Variants in HECW2 observed in about 807,000 individuals in gnomAD.
HECW2 encodes the protein E3 ubiquitin-protein ligase HECW2.
Under a neutral mutation model 175.2 loss-of-function variants are expected in HECW2, and 61 were observed. The observed-to-expected ratio is 0.35, with a 90% CI of 0.28 to 0.43. The LOEUF (loss-of-function observed/expected upper bound fraction) is 0.43. Among genes scored for constraint, HECW2 ranks in the 20% least tolerant of loss-of-function variants. The probability of loss-of-function intolerance (pLI) is 1.00; values close to 1 mark genes in which losing one functional copy is unlikely to be tolerated. For missense variants in HECW2, 1,524 were observed against 2,000.5 expected (o/e 0.76, Z 4.54); for synonymous variants, 671 against 731.0 (o/e 0.92, Z 1.32).
chr2:196,527,032 T>C (rs1192230705), intron 1 of HECW2, among the ~76,000 whole-genome samples: 1 of 152,142 alleles, frequency 6.6e-6, no homozygotes, highest in Non-Finnish European at 1.5e-5. Context: ...GGCTGCTTTG[T>C]TTACCTAAGC....
Position 196,215,934 on chromosome 2 carries a change from G to A in HECW2, c.4538C>T (p.Ser1513Leu). 1 of 1,614,006 alleles carries A rather than the reference G, an allele frequency of 6.2e-7. No homozygotes were observed. Among genetic ancestry groups the A allele is most frequent in the Non-Finnish European group, 8.5e-7 (1 of 1,179,880 alleles). Residue 1513 changes from serine (S) to leucine (L), a missense_variant, in exon 28 of 29, where the codon TCA becomes TTA. Physicochemically the swap from Ser to Leu is moderately radical, Grantham distance 145. Coordinates refer to ENST00000644978, the MANE Select transcript of HECW2 (RefSeq NM_001348768.2). ...TCTTGGGCCGTTACTCCCTCGGAGT[G>A]AAGCAAATCCTTCATAGGGAATGCT... ...TSSIPYEGFA[S>L]LRGSNGPRRF...
chr2:196,511,182 G>C (rs2125416060), intron 1 of HECW2, among the ~76,000 whole-genome samples: 1 of 152,248 alleles, frequency 6.6e-6, no homozygotes, highest in East Asian at 1.9e-4. Context: ...GCCAGGCCAG[G>C]CTGGTAAAAG....
intron 4 of HECW2, among the ~76,000 whole-genome samples, chr2:196,330,121 T>C (rs1692303759): frequency 6.6e-6 from 1 of 152,212 alleles, no homozygotes; most frequent in African/African-American, 2.4e-5. Context: ...CATGGAGTCC[T>C]ATCTCCCTTG....
chr2:196,421,430 T>C (rs1237089130), intron 2 of HECW2, among the ~76,000 whole-genome samples: 1 of 152,140 alleles, frequency 6.6e-6, no homozygotes, highest in Non-Finnish European at 1.5e-5. Context: ...TGACAACTGA[T>C]AACAGACAAA....
chr2:196,513,448 T>A (rs987017552), intron 1 of HECW2, among the ~76,000 whole-genome samples: 4 of 152,168 alleles, frequency 2.6e-5, no homozygotes, highest in Non-Finnish European at 5.9e-5. Flanking sequence ...AGGTCGAGAC[T>A]GCAGTGAGCC....
At chr2:196,420,027 C>T (rs1361081795) in intron 2 of HECW2, among the ~76,000 whole-genome samples, 2 of 152,168 alleles carry the variant, frequency 1.3e-5, no homozygotes, top group Non-Finnish European at 2.9e-5. Context: ...TACTATTTGA[C>T]TGTTGTTTTA....
At chr2:196,318,496 CTT>C in intron 9 of HECW2, 54 bp downstream of exon 9, 3 of 1,397,626 alleles carry the variant, frequency 2.1e-6, no homozygotes, top group Non-Finnish European at 2.8e-6. Context: ...AACTACAGAA[CTT>C]CTCTCTGCAC....
intron 13 of HECW2, among the ~76,000 whole-genome samples, chr2:196,299,465 T>G (rs1046790012): frequency 5.9e-5 from 9 of 151,946 alleles, no homozygotes; most frequent in Admixed American, 3.9e-4. Flanking sequence ...ATCCTAGGAG[T>G]TCCCAGACTA....
chr2:196,322,466 A>C lies in HECW2; in HGVS notation c.884+12T>G. The C allele has an allele frequency of 6.2e-7, 1 of 1,610,790 alleles. No individual in the cohort carries two copies. Among genetic ancestry groups the C allele is most frequent in the East Asian group, 2.2e-5 (1 of 44,848 alleles). ...AATCTCAACAAGATCCCCAAAGGTA[A>C]GGGCTGATTACCCGATGGCTTGTCG... On this transcript the variant is annotated intron_variant, in intron 7 of 28. Transcript: ENST00000644978.
chr2:196,210,955 T>G (rs1178587361), intron 28 of HECW2, among the ~76,000 whole-genome samples: 2 of 136,982 alleles, frequency 1.5e-5, no homozygotes, highest in Non-Finnish European at 3.4e-5. Flanking sequence ...AAAAAGTTGT[T>G]ATGTTTTTAA....
At chr2:196,295,395 C>T (rs1180136865) in intron 13 of HECW2, among the ~76,000 whole-genome samples, 2 of 152,102 alleles carry the variant, frequency 1.3e-5, no homozygotes, top group Non-Finnish European at 1.5e-5. Context: ...CTGCATTTGG[C>T]TCAGTGTTGC....
intron 14 of HECW2, among the ~76,000 whole-genome samples, chr2:196,286,116 T>C (rs1293345907): frequency 6.6e-6 from 1 of 152,110 alleles, no homozygotes; most frequent in African/African-American, 2.4e-5. Flanking sequence ...GACTGTAATT[T>C]TAAGGAATTC....
At chr2:196,331,164 A>C (rs1692344190) in intron 4 of HECW2, 5 of 985,306 alleles carry the variant, frequency 5.1e-6, no homozygotes, top group Non-Finnish European at 6.0e-6. Flanking sequence ...CCTCTGCAAC[A>C]CACCAGGGTC....
intron 19 of HECW2, among the ~76,000 whole-genome samples, chr2:196,248,294 A>C (rs1688721176): frequency 2.0e-5 from 3 of 152,178 alleles, no homozygotes; most frequent in Admixed American, 1.3e-4. Flanking sequence ...AATAGCAGGC[A>C]CCCTCTGATA....
intron 1 of HECW2, among the ~76,000 whole-genome samples, chr2:196,457,701 A>G (rs1696568133): frequency 6.6e-6 from 1 of 152,176 alleles, no homozygotes; most frequent in Non-Finnish European, 1.5e-5. Flanking sequence ...TATGATTTCC[A>G]AGATACCTCT....
chr2:196,203,179 C>T (rs576573505), intron 28 of HECW2, among the ~76,000 whole-genome samples: 2 of 152,238 alleles, frequency 1.3e-5, no homozygotes, highest in South Asian at 4.1e-4. Flanking sequence ...CCGACTCACC[C>T]ACTCCTAGTA....
chr2:196,316,458 A>T (rs918732264), intron 10 of HECW2: 1 of 152,218 alleles, frequency 6.6e-6, no homozygotes, highest in African/African-American at 2.4e-5. Flanking sequence ...GGTGAGCAAG[A>T]AGGGAAAGCG....
intron 2 of HECW2, among the ~76,000 whole-genome samples, chr2:196,419,325 G>A (rs908620086): frequency 1.3e-5 from 2 of 152,214 alleles, no homozygotes; most frequent in African/African-American, 2.4e-5. Flanking sequence ...CAGAAAAAGG[G>A]AAAGGAACAG....
intron 1 of HECW2, among the ~76,000 whole-genome samples, chr2:196,490,866 T>C (rs1296091952): frequency 6.6e-6 from 1 of 152,102 alleles, no homozygotes; most frequent in Admixed American, 6.6e-5. Flanking sequence ...AAATACCATA[T>C]ATTGTATGAT....
Sources: gnomAD v4.1 joint callset for allele counts (sites outside exome capture counted in the v4.1 genomes callset) on GRCh38, gnomAD v4.1.1 for gene constraint, MANE v1.5 for transcripts, NCBI Gene and HGNC (gene_info 2026-07-23, HGNC 2026-07-21) for gene names.